The following CFAP299 variants were observed in gnomAD, a reference collection of about 807,000 sequenced individuals.
CFAP299 encodes cilia and flagella associated protein 299.
A neutral mutation model predicts 27.0 loss-of-function variants in CFAP299; 21 were observed. The observed-to-expected ratio is 0.78, with a 90% CI of 0.55 to 1.12. The LOEUF is 1.12. Among genes scored for constraint, CFAP299 ranks in the 50% most tolerant of loss-of-function variants. The pLI, the probability that CFAP299 is intolerant of heterozygous loss-of-function variation, is 0.00. For synonymous variants in CFAP299, 104 were observed against 98.1 expected (o/e 1.06, Z -0.36); for missense variants, 310 against 276.6 (o/e 1.12, Z -0.86).
At chr4:80,386,780 C>G in intron 2 of CFAP299, 1 of 1,248,118 alleles carries the variant, frequency 8.0e-7, no homozygotes, top group Non-Finnish European at 1.2e-6. Context: ...GAACAACTTA[C>G]CGCAGCTTGT....
chr4:80,928,273 A>T (rs1319209922), intron 4 of CFAP299, among the ~76,000 whole-genome samples: 1 of 152,114 alleles, frequency 6.6e-6, no homozygotes, highest in African/African-American at 2.4e-5. Context: ...CTGAGCCTGA[A>T]AGAGTGGCCA....
At chr4:80,606,475 C>T (rs991801326) in intron 3 of CFAP299, among the ~76,000 whole-genome samples, 1 of 152,080 alleles carries the variant, frequency 6.6e-6, no homozygotes, top group Admixed American at 6.5e-5. Flanking sequence ...GCAGAGGTTG[C>T]AGTGTGCCAA....
chr4:80,647,238 G>T (rs1439554202), intron 3 of CFAP299, among the ~76,000 whole-genome samples: 6 of 152,196 alleles, frequency 3.9e-5, no homozygotes, highest in Middle Eastern at 6.8e-3. Flanking sequence ...TGGGAGTCAA[G>T]AAATATTTAT....
At chr4:80,715,064 A>T (rs1031157510) in intron 3 of CFAP299, among the ~76,000 whole-genome samples, 1 of 152,110 alleles carries the variant, frequency 6.6e-6, no homozygotes, top group Non-Finnish European at 1.5e-5. Context: ...CTAAAACCTC[A>T]CAATTTTCCA....
At chr4:80,914,874 A>G (rs926572588) in intron 4 of CFAP299, among the ~76,000 whole-genome samples, 27 of 152,236 alleles carry the variant, frequency 1.8e-4, no homozygotes, top group South Asian at 4.1e-4. Flanking sequence ...TTCTTGATCA[A>G]CCTAGCTGGA....
At chr4:80,534,936 A>G (rs1262271070) in intron 2 of CFAP299, among the ~76,000 whole-genome samples, 1 of 152,222 alleles carries the variant, frequency 6.6e-6, no homozygotes, top group Non-Finnish European at 1.5e-5. Flanking sequence ...ATGAATTTAT[A>G]TAATATGAAA....
At chr4:80,917,045 G>A (rs1201148715) in intron 4 of CFAP299, among the ~76,000 whole-genome samples, 6 of 152,124 alleles carry the variant, frequency 3.9e-5, no homozygotes, top group Non-Finnish European at 8.8e-5. Flanking sequence ...GGAAGAAAAA[G>A]TGTGGCGGCA....
At chr4:80,409,703 T>A (rs1291141868) in intron 2 of CFAP299, among the ~76,000 whole-genome samples, 1 of 152,194 alleles carries the variant, frequency 6.6e-6, no homozygotes, top group East Asian at 1.9e-4. Context: ...CCAAATTTGA[T>A]CCTTATTGAC....
At chr4:80,904,564 T>C (rs573493773) in intron 4 of CFAP299, among the ~76,000 whole-genome samples, 1 of 152,268 alleles carries the variant, frequency 6.6e-6, no homozygotes, top group South Asian at 2.1e-4. Context: ...ACTTGACTTT[T>C]TTCTTGATTA....
At chr4:80,488,098 G>A (rs1175095048) in intron 2 of CFAP299, among the ~76,000 whole-genome samples, 1 of 152,146 alleles carries the variant, frequency 6.6e-6, no homozygotes, top group Non-Finnish European at 1.5e-5. Context: ...TAATGATTTG[G>A]ACAAAGTACT....
chr4:80,892,993 G>A (rs1734419733), intron 4 of CFAP299, among the ~76,000 whole-genome samples: 3 of 151,436 alleles, frequency 2.0e-5, no homozygotes, highest in Non-Finnish European at 4.4e-5. Context: ...AGATTCCATC[G>A]AGAAAATTAA....
intron 1 of CFAP299, among the ~76,000 whole-genome samples, chr4:80,357,975 A>G (rs1006562033): frequency 2.9e-4 from 44 of 152,150 alleles, no homozygotes; most frequent in African/African-American, 9.9e-4. Flanking sequence ...ATGGGCATTT[A>G]GTGCTATAAA....
chr4:80,759,668 G>T (rs561572831), intron 3 of CFAP299, among the ~76,000 whole-genome samples: 1 of 152,184 alleles, frequency 6.6e-6, no homozygotes, highest in East Asian at 1.9e-4. Context: ...AAATTATTTT[G>T]TTGTTGTTAG....
intron 3 of CFAP299, among the ~76,000 whole-genome samples, chr4:80,628,160 G>GTA (rs1739011483): frequency 6.6e-6 from 1 of 152,084 alleles, no homozygotes; most frequent in Admixed American, 6.6e-5. Context: ...AAACAATAGA[G>GTA]AGCACAGAAA....
At chr4:80,608,198 G>T in intron 3 of CFAP299, 1 of 546,844 alleles carries the variant, frequency 1.8e-6, no homozygotes, top group Non-Finnish European at 3.2e-6. Flanking sequence ...AAGTGTTGTC[G>T]AGACTAAGTA....
intron 2 of CFAP299, among the ~76,000 whole-genome samples, chr4:80,469,138 C>A (rs1256732185): frequency 6.6e-6 from 1 of 152,148 alleles, no homozygotes; most frequent in Admixed American, 6.5e-5. Flanking sequence ...TCAGCATCAC[C>A]TGGGAATTTG....
In CFAP299 at chr4:80,488,730, C is replaced by A. The variant is rs578077321; in HGVS notation, c.243-94363C>A. Reference sequence around the variant, plus strand: ...TGACCTTGTGATCCGCCCACCTTGGCCTCCCAAAGTGCTGGGATTACAGGC... The same window carrying A: ...TGACCTTGTGATCCGCCCACCTTGGACTCCCAAAGTGCTGGGATTACAGGC... On this transcript the variant is annotated intron_variant, in intron 2 of 5. Transcript: ENST00000358105. Among the ~76,000 whole-genome samples, 6 of 152,330 alleles carry A rather than the reference C, an allele frequency of 3.9e-5. No individual in the cohort carries two copies. The South Asian group carries it at 1.2e-3, about 32-fold the overall frequency.
intron 3 of CFAP299, among the ~76,000 whole-genome samples, chr4:80,620,255 G>T (rs1278950284): frequency 6.6e-6 from 1 of 152,112 alleles, no homozygotes; most frequent in Non-Finnish European, 1.5e-5. Flanking sequence ...AGGGTTGCAT[G>T]TATGTCACTA....
At chr4:80,689,544 G>A (rs1010047188) in intron 3 of CFAP299, among the ~76,000 whole-genome samples, 5 of 152,070 alleles carry the variant, frequency 3.3e-5, no homozygotes, top group Admixed American at 2.6e-4. Flanking sequence ...TGAAGGAAGT[G>A]CTAAACATGG....
Sources: allele counts gnomAD v4.1 joint callset (sites outside exome capture counted in the v4.1 genomes callset), GRCh38; gene constraint gnomAD v4.1.1; transcripts MANE v1.5; gene names NCBI Gene and HGNC (gene_info 2026-07-23, HGNC 2026-07-21).